Variants in MN1 observed in about 807,000 individuals in gnomAD.
The protein encoded by MN1 is MN1 proto-oncogene, transcriptional regulator.
Under a neutral mutation model 86.9 loss-of-function variants are expected in MN1, and 19 were observed. The ratio of observed to expected loss-of-function variants is 0.22; its 90% confidence interval spans 0.15 to 0.32. The LOEUF is 0.32. Ranked by LOEUF, MN1 falls within the 10% of genes least tolerant of loss-of-function variation. The pLI is 1.00. For synonymous variants in MN1, 928 were observed against 849.6 expected (o/e 1.09, Z -1.60); for missense variants, 1,841 against 1,862.0 (o/e 0.99, Z 0.21).
In MN1 at chr22:27,800,415, C is replaced by G. The variant is rs369362515; in HGVS notation, c.129G>C (p.Gly43=). The change falls in exon 1 of 2, where the codon GGG becomes GGC. Residue 43 remains glycine (G), a synonymous_variant. Coordinates refer to ENST00000302326, the MANE Select transcript of MN1 (RefSeq NM_002430.3). ...HFKAPAFHTG[G]PPGPVDPAMS... is the part of the protein sequence containing the mutation. ...TAGCAGGATCCACAGGGCCAGGGGG[C>G]CCCCCAGTGTGGAAAGCCGGGGCCT... 4 of 1,613,928 alleles carry G rather than the reference C, an allele frequency of 2.5e-6. No homozygotes were observed. Among genetic ancestry groups the G allele is most frequent in the Non-Finnish European group, 3.4e-6 (4 of 1,179,922 alleles).
chr22:27,798,498 C>G lies in MN1; in HGVS notation c.2046G>C (p.Glu682Asp). 1 of 1,549,692 alleles carries G rather than the reference C, an allele frequency of 6.5e-7. No homozygotes were observed. Among genetic ancestry groups the G allele is most frequent in the South Asian group, 1.2e-5 (1 of 83,398 alleles). ...GGCCCTCTCCGGGCATCCTCATCGG[C>G]TCCTGCAGAGGGCCCCGGAACAGCA... is the stretch of plus-strand genomic sequence containing the variant. ...SGVLFRGPLQ[E>D]PMRMPGEGHV... The change falls in exon 1 of 2, where the codon GAG becomes GAC. Residue 682 changes from glutamate to aspartate, a missense_variant. Transcript: ENST00000302326.
rs1317988037 is a variant in MN1 at position 27,799,088 on chromosome 22, G to A, written c.1456C>T (p.Leu486Phe). The A allele has an allele frequency of 6.2e-7, 1 of 1,607,760 alleles. No homozygotes were observed. Among genetic ancestry groups the A allele is most frequent in the East Asian group, 2.2e-5 (1 of 44,696 alleles). Residue 486 changes from leucine to phenylalanine, a missense_variant, in exon 1 of 2, where the codon CTC (leucine) becomes TTC (phenylalanine). Physicochemically the swap from Leu to Phe is conservative, Grantham distance 22 (BLOSUM62 0). Coordinates refer to ENST00000302326, the MANE Select transcript of MN1 (RefSeq NM_002430.3). ...SMHNGALDNH[L>F]SPSAYPGLPG... Reference sequence around the variant, plus strand: ...AGGCCTGGGTAGGCGGAAGGGGAGAGGTGATTATCCAGAGCGCCGTTGTGC... The same window carrying A: ...AGGCCTGGGTAGGCGGAAGGGGAGAAGTGATTATCCAGAGCGCCGTTGTGC...
At position 27,768,170 on chromosome 22, in the gene MN1, T is replaced by C. The variant is rs377156996; in HGVS notation, c.3782-17074A>G. Among the ~76,000 whole-genome samples, 43 of 152,250 alleles carry C rather than the reference T, an allele frequency of 2.8e-4. 1 individual carries two copies. Among genetic ancestry groups the C allele is most frequent in the African/African-American group, 9.9e-4 (41 of 41,550 alleles). ...CTCCCACTCTCCCAAACACCCATCATCCTGCCTTCCCCTTTGGCCCACCGA... is the reference window on the plus strand; with the variant it reads ...CTCCCACTCTCCCAAACACCCATCACCCTGCCTTCCCCTTTGGCCCACCGA... On this transcript the variant is annotated intron_variant, in intron 1 of 1. Coordinates refer to ENST00000302326, the MANE Select transcript of MN1 (RefSeq NM_002430.3).
chr22:27,764,031 G>C (rs1932852462), intron 1 of MN1, among the ~76,000 whole-genome samples: 1 of 152,152 alleles, frequency 6.6e-6, no homozygotes, highest in African/African-American at 2.4e-5. Context: ...CCTGATTTAG[G>C]GATGGGTGTG....
rs35992247 is a variant in MN1 at position 27,777,702 on chromosome 22, T to TACACACAC, written c.3781+19053_3781+19060dup. Among the ~76,000 whole-genome samples the TACACACAC allele has an allele frequency of 1.0e-4, 15 of 148,614 alleles. No homozygotes were observed. In the East Asian group the frequency reaches 2.8e-3, roughly 28 times the overall value. ...GGTGAAACCGTGTCTCTACTAAAAATACACACACACACACACACAAAATAT... is the reference window on the plus strand; with the variant it reads ...GGTGAAACCGTGTCTCTACTAAAAATACACACACACACACACACACACACACAAAATAT... On this transcript the variant is annotated intron_variant, in intron 1 of 1. Coordinates refer to ENST00000302326, the MANE Select transcript of MN1 (RefSeq NM_002430.3).
At chr22:27,776,908 A>T (rs948733516) in intron 1 of MN1, among the ~76,000 whole-genome samples, 3 of 152,016 alleles carry the variant, frequency 2.0e-5, no homozygotes, top group Non-Finnish European at 1.5e-5. Context: ...AAAGGAGAGG[A>T]GGGGGAGCCG....
rs1025765654 is a variant in MN1 at position 27,800,398 on chromosome 22, T to C, written c.146A>G (p.Asp49Gly). 1 of 1,613,870 alleles carries C rather than the reference T, an allele frequency of 6.2e-7. No homozygotes were observed. The highest frequency in any genetic ancestry group is 2.2e-5 in the East Asian group (1 of 44,856). ...FHTGGPPGPV[D>G]PAMSALGEPP... ...TTCGCCCAGCGCGCTCATAGCAGGA[T>C]CCACAGGGCCAGGGGGCCCCCCAGT... Residue 49 changes from aspartate to glycine, a missense_variant, in exon 1 of 2, where the codon GAT becomes GGT. Asp to Gly is a moderately conservative substitution (Grantham distance 94). Coordinates refer to ENST00000302326, the MANE Select transcript of MN1 (RefSeq NM_002430.3).
chr22:27,792,093 C>T (rs1933218453), intron 1 of MN1, among the ~76,000 whole-genome samples: 3 of 151,988 alleles, frequency 2.0e-5, no homozygotes, highest in Admixed American at 1.3e-4. Flanking sequence ...AATTTAAATA[C>T]CTCTGTCAGG....
In MN1 at chr22:27,796,797, C is replaced by T. The variant is rs774045773; in HGVS notation, c.3747G>A (p.Glu1249=). 8 of 1,606,702 alleles carry T rather than the reference C, an allele frequency of 5.0e-6. No individual in the cohort carries two copies. The Admixed American group carries it at 1.3e-4, about 27-fold the overall frequency. The stretch of plus-strand genomic sequence containing the variant: ...TGTTGGGGTTCTGGGGTTTGGCCTT[C>T]TCCCAGGGCGCCAACGTCTTGTCGT... ...ADDDKTLAPW[E]KAKPQNPNSK... is the part of the protein sequence containing the mutation. Residue 1249 remains glutamate (E), a synonymous_variant, in exon 1 of 2, where the codon GAG becomes GAA. Coordinates refer to ENST00000302326, the MANE Select transcript of MN1 (RefSeq NM_002430.3).
In MN1 at chr22:27,799,075, G is replaced by A; in HGVS notation, c.1469C>T (p.Ala490Val). The change falls in exon 1 of 2, where the codon GCC becomes GTC. Residue 490 changes from alanine to valine, a missense_variant. Coordinates refer to ENST00000302326, the MANE Select transcript of MN1 (RefSeq NM_002430.3). ...GAACTCGCCGGGTAGGCCTGGGTAG[G>A]CGGAAGGGGAGAGGTGATTATCCAG... is the stretch of plus-strand genomic sequence containing the variant. ...GALDNHLSPS[A>V]YPGLPGEFTP... The A allele has an allele frequency of 1.9e-6, 3 of 1,609,260 alleles. No individual in the cohort carries two copies. Among genetic ancestry groups the A allele is most frequent in the Non-Finnish European group, 2.5e-6 (3 of 1,176,984 alleles).
Position 27,797,446 on chromosome 22 carries a change from T to G in MN1, c.3098A>C (p.Lys1033Thr). 1 of 1,606,326 alleles carries G rather than the reference T, an allele frequency of 6.2e-7. No homozygotes were observed. Among genetic ancestry groups the G allele is most frequent in the Non-Finnish European group, 8.5e-7 (1 of 1,176,546 alleles). Residue 1033 changes from lysine (K) to threonine (T), a missense_variant, in exon 1 of 2, where the codon AAG (lysine) becomes ACG (threonine). By Grantham distance (78) the Lys-to-Thr change is moderately conservative. Coordinates refer to ENST00000302326, the MANE Select transcript of MN1 (RefSeq NM_002430.3). ...CACGTTTGGCGAACTACTGTCCGAC[T>G]TGGCCCCGCCGTCCAGGGACCCAAT... ...DLIGSLDGGAKSDSSSPNVGE... is the reference protein window; with the variant it reads ...DLIGSLDGGATSDSSSPNVGE...
chr22:27,801,260 G>A lies in MN1; in HGVS notation c.-717C>T, dbSNP rs1933434213. On this transcript the variant is annotated 5_prime_UTR_variant, in exon 1 of 2. Transcript: ENST00000302326. Reference sequence around the variant, plus strand: ...CGAGCCGAGGACGCAGAGGGGCTGCGAGGCGGCAGGCGCCGGGGGCTGGAG... The same window carrying A: ...CGAGCCGAGGACGCAGAGGGGCTGCAAGGCGGCAGGCGCCGGGGGCTGGAG... 4.5e-6 allele frequency: 1 copy of A among 221,528 alleles called. No individual in the cohort carries two copies. The highest frequency in any genetic ancestry group is 2.2e-5 in the African/African-American group (1 of 44,524). 13.7% of individuals were successfully genotyped at this position (221,528 alleles called of 1,614,324 possible). A position where few individuals can be genotyped will look rare whatever the true frequency, so the allele number is the denominator to read the frequency against.
intron 1 of MN1, among the ~76,000 whole-genome samples, chr22:27,775,486 C>A (rs894917264): frequency 2.0e-5 from 3 of 152,202 alleles, no homozygotes; most frequent in African/African-American, 7.2e-5. Context: ...ATGGGGCTAT[C>A]TCCTGGGATG....
At chr22:27,755,806 G>C (rs1932798451) in intron 1 of MN1, among the ~76,000 whole-genome samples, 1 of 152,144 alleles carries the variant, frequency 6.6e-6, no homozygotes, top group Admixed American at 6.5e-5. Context: ...GGGAAGGAGA[G>C]AACCAGGAGC....
intron 1 of MN1, among the ~76,000 whole-genome samples, chr22:27,777,533 TA>T (rs34223272): frequency 0.62 from 82,086 of 132,336 alleles, 25,271 homozygotes; most frequent in African/African-American, 0.78. Flanking sequence ...ACCTTGTTTC[TA>T]AAAAAAAAAA....
intron 1 of MN1, among the ~76,000 whole-genome samples, chr22:27,773,868 T>C (rs988314066): frequency 2.0e-5 from 3 of 152,226 alleles, no homozygotes; most frequent in Non-Finnish European, 4.4e-5. Flanking sequence ...TTGGACAGGC[T>C]GGTCTCAAAC....
intron 1 of MN1, among the ~76,000 whole-genome samples, chr22:27,785,746 G>GCCCC (rs35117962): frequency 1.5e-5 from 2 of 135,266 alleles, no homozygotes; most frequent in African/African-American, 5.5e-5. Flanking sequence ...TAACAGGTGT[G>GCCCC]CCCCCCCCCC....
chr22:27,798,574 C>A lies in MN1; in HGVS notation c.1970G>T (p.Gly657Val). The A allele has an allele frequency of 6.5e-7, 1 of 1,539,080 alleles. No individual in the cohort carries two copies. Among genetic ancestry groups the A allele is most frequent in the Admixed American group, 2.0e-5 (1 of 51,162 alleles). ...GGGCGCCAGGCTGGGGTCGTGCGGGCCACAGTCAGCGGGCAGACCCGAGCC... is the reference window on the plus strand; with the variant it reads ...GGGCGCCAGGCTGGGGTCGTGCGGGACACAGTCAGCGGGCAGACCCGAGCC... Reference protein sequence around the residue: ...MGGSGLPADCGPHDPSLAPPP... With the variant: ...MGGSGLPADCVPHDPSLAPPP... The change falls in exon 1 of 2, where the codon GGC (glycine) becomes GTC (valine). Residue 657 changes from glycine to valine, a missense_variant. By Grantham distance (109) the Gly-to-Val change is moderately radical. Coordinates refer to ENST00000302326, the MANE Select transcript of MN1 (RefSeq NM_002430.3).
At chr22:27,781,549 G>C (rs771624129) in intron 1 of MN1, among the ~76,000 whole-genome samples, 11 of 152,178 alleles carry the variant, frequency 7.2e-5, no homozygotes, top group Non-Finnish European at 1.2e-4. Context: ...GGGACACTGA[G>C]GCCCAGAGAG....
Sources: gnomAD v4.1 joint callset for allele counts (sites outside exome capture counted in the v4.1 genomes callset) on GRCh38, gnomAD v4.1.1 for gene constraint, MANE v1.5 for transcripts, NCBI Gene and HGNC (gene_info 2026-07-23, HGNC 2026-07-21) for gene names.